Variants in RELN observed in about 807,000 individuals in gnomAD.
RELN encodes reelin.
RELN carries 108 observed loss-of-function variants against 427.6 expected under a neutral mutation model. The ratio of observed to expected loss-of-function variants is 0.25; its 90% CI spans 0.22 to 0.30. RELN has a LOEUF of 0.30. Among genes scored for constraint, RELN ranks in the 10% least tolerant of loss-of-function variants. The pLI is 1.00. For synonymous variants in RELN, 1,524 were observed against 1,513.4 expected (o/e 1.01, Z -0.16); for missense variants, 3,715 against 4,302.8 (o/e 0.86, Z 3.82).
intron 51 of RELN, among the ~76,000 whole-genome samples, chr7:103,510,626 A>G (rs1480241928): frequency 2.6e-5 from 4 of 152,244 alleles, no homozygotes; most frequent in African/African-American, 9.6e-5. Flanking sequence ...AACTTAAAGT[A>G]TAATAAAAAA....
chr7:103,627,029 A>G (rs1168989636), intron 20 of RELN, among the ~76,000 whole-genome samples: 2 of 152,084 alleles, frequency 1.3e-5, no homozygotes, highest in Admixed American at 6.6e-5. Context: ...CAATTGTCCA[A>G]GTTTTCCCTG....
At chr7:103,550,562 G>T (rs1165442923) in intron 41 of RELN, among the ~76,000 whole-genome samples, 1 of 150,278 alleles carries the variant, frequency 6.7e-6, no homozygotes, top group Non-Finnish European at 1.5e-5. Flanking sequence ...AATGTAACAA[G>T]AATGCTGAGA....
At chr7:103,860,223 CACTT>C (rs1021756450) in intron 2 of RELN, among the ~76,000 whole-genome samples, 5 of 152,320 alleles carry the variant, frequency 3.3e-5, no homozygotes, top group African/African-American at 7.2e-5. Context: ...ACTCTCAAAA[CACTT>C]AATATTCATC....
intron 3 of RELN, among the ~76,000 whole-genome samples, chr7:103,794,512 TGC>T (rs1412394093): frequency 1.3e-5 from 2 of 152,180 alleles, no homozygotes; most frequent in African/African-American, 2.4e-5. Flanking sequence ...CCTTGGTAGA[TGC>T]ATATCACATG....
chr7:103,906,140 G>C (rs562435506), intron 2 of RELN, among the ~76,000 whole-genome samples: 1 of 152,116 alleles, frequency 6.6e-6, no homozygotes, highest in Admixed American at 6.6e-5. Context: ...AAGGACAGCA[G>C]GGTTAGAGCA....
intron 28 of RELN, among the ~76,000 whole-genome samples, chr7:103,586,589 C>G (rs1831277932): frequency 1.3e-5 from 2 of 152,052 alleles, no homozygotes; most frequent in African/African-American, 2.4e-5. Flanking sequence ...AAAAGGAAAT[C>G]AAATTATTTC....
chr7:103,509,940 T>C (rs1315172882), intron 51 of RELN, among the ~76,000 whole-genome samples: 1 of 152,222 alleles, frequency 6.6e-6, no homozygotes, highest in Admixed American at 6.5e-5. Context: ...CACATTGAGA[T>C]ACCATCTCAC....
At chr7:103,955,577 T>C (rs1004636551) in intron 1 of RELN, among the ~76,000 whole-genome samples, 1 of 152,210 alleles carries the variant, frequency 6.6e-6, no homozygotes, top group African/African-American at 2.4e-5. Flanking sequence ...CCTCTGATTA[T>C]TGTATTTGGC....
chr7:103,925,355 A>T (rs906641518), intron 1 of RELN, among the ~76,000 whole-genome samples: 20 of 152,204 alleles, frequency 1.3e-4, no homozygotes, highest in South Asian at 2.1e-4. Context: ...CTGAATTTTT[A>T]AAAAATTCTA....
intron 2 of RELN, among the ~76,000 whole-genome samples, chr7:103,902,028 G>A (rs1795093973): frequency 6.6e-6 from 1 of 152,004 alleles, no homozygotes; most frequent in South Asian, 2.1e-4. Context: ...GTTTGCAACA[G>A]CACAGTGTGG....
At chr7:103,583,014 T>C (rs762616570) in intron 28 of RELN, among the ~76,000 whole-genome samples, 34 of 152,234 alleles carry the variant, frequency 2.2e-4, no homozygotes, top group Non-Finnish European at 3.5e-4. Flanking sequence ...AAAGTGTACA[T>C]GGGCTCTTAA....
At chr7:103,496,874 GC>G in intron 55 of RELN, 106 bp from the exon 56 acceptor site, 1 of 1,316,028 alleles carries the variant, frequency 7.6e-7, no homozygotes, top group Non-Finnish European at 1.1e-6. Flanking sequence ...GAAATTTTCA[GC>G]CAGGAAATGA....
chr7:103,517,923 T>C (rs556314797), intron 49 of RELN, among the ~76,000 whole-genome samples: 14 of 152,294 alleles, frequency 9.2e-5, no homozygotes, highest in African/African-American at 3.4e-4. Flanking sequence ...TAATGGAATA[T>C]GAAAGGAAGT....
intron 3 of RELN, among the ~76,000 whole-genome samples, chr7:103,797,311 G>A (rs1792331070): frequency 6.6e-6 from 1 of 152,098 alleles, no homozygotes; most frequent in South Asian, 2.1e-4. Context: ...TCACCATGTT[G>A]GCTAGGCGGT....
In RELN at chr7:103,486,435, T is replaced by C; in HGVS notation, c.9764-19A>G. 1 of 1,592,956 alleles carries C rather than the reference T, an allele frequency of 6.3e-7. No homozygotes were observed. The highest frequency in any genetic ancestry group is 1.3e-5 in the African/African-American group (1 of 74,516). On this transcript the variant is annotated intron_variant, in intron 60 of 64. Coordinates refer to ENST00000428762, the MANE Select transcript of RELN (RefSeq NM_005045.4). ...TCATCACCTAGAGGACAAGGAGCAG[T>C]CACAGAAATTAAGTGGACCAACCAG...
intron 10 of RELN, among the ~76,000 whole-genome samples, chr7:103,689,608 C>CAGCTG (rs1365462471): frequency 1.3e-5 from 2 of 152,088 alleles, no homozygotes; most frequent in African/African-American, 2.4e-5. Context: ...CAAAATGAAG[C>CAGCTG]AGCTGCCAGA....
In RELN at chr7:103,680,732, C is replaced by T. The variant is rs1011893162; in HGVS notation, c.1289+1384G>A. 2.0e-4 allele frequency among the ~76,000 whole-genome samples: 30 copies of T among 151,762 alleles called. 1 individual carries two copies. Among genetic ancestry groups the T allele is most frequent in the African/African-American group, 7.3e-4 (30 of 41,346 alleles). On this transcript the variant is annotated intron_variant, in intron 11 of 64. Coordinates refer to ENST00000428762, the MANE Select transcript of RELN (RefSeq NM_005045.4). Reference sequence around the variant, plus strand: ...CTCCCCAGCCTGACCCTGGGGAGGTCCTAGAGGCTAAAATGAGAAACAGTG... The same window carrying T: ...CTCCCCAGCCTGACCCTGGGGAGGTTCTAGAGGCTAAAATGAGAAACAGTG...
intron 2 of RELN, among the ~76,000 whole-genome samples, chr7:103,872,525 C>T (rs79773848): frequency 5.8e-4 from 74 of 126,870 alleles, no homozygotes; most frequent in East Asian, 4.4e-3. Context: ...AATAAACATA[C>T]GTGTGCATGT....
At chr7:103,899,561 G>A (rs192958975) in intron 2 of RELN, among the ~76,000 whole-genome samples, 10 of 152,164 alleles carry the variant, frequency 6.6e-5, no homozygotes, top group African/African-American at 1.9e-4. Context: ...CTAGCAAACC[G>A]AATCCAGCAG....
Sources: gnomAD v4.1 joint callset for allele counts (sites outside exome capture counted in the v4.1 genomes callset) on GRCh38, gnomAD v4.1.1 for gene constraint, MANE v1.5 for transcripts, NCBI Gene and HGNC (gene_info 2026-07-23, HGNC 2026-07-21) for gene names.